Variants in PTPRR observed in about 807,000 individuals in gnomAD.
The protein encoded by PTPRR is receptor-type tyrosine-protein phosphatase R.
Under a neutral mutation model 77.2 loss-of-function variants are expected in PTPRR, and 38 were observed. That is an observed-to-expected ratio of 0.49 (90% CI 0.38 to 0.65). PTPRR has a LOEUF of 0.65. Ranked by LOEUF, PTPRR falls within the 30% of genes least tolerant of loss-of-function variation. The probability of loss-of-function intolerance (pLI) is 0.00; values close to 1 mark genes in which losing one functional copy is unlikely to be tolerated. For missense variants in PTPRR, 744 were observed against 799.2 expected (o/e 0.93, Z 0.83); for synonymous variants, 299 against 283.1 (o/e 1.06, Z -0.57).
intron 5 of PTPRR, among the ~76,000 whole-genome samples, chr12:70,750,192 C>T (rs1170219506): frequency 6.6e-6 from 1 of 152,074 alleles, no homozygotes; most frequent in Non-Finnish European, 1.5e-5. Context: ...CAATATGCCA[C>T]TTTTCAAAAA....
At chr12:70,836,390 C>A (rs1039679241) in intron 2 of PTPRR, among the ~76,000 whole-genome samples, 39 of 151,284 alleles carry the variant, frequency 2.6e-4, no homozygotes, top group Non-Finnish European at 1.3e-4. Flanking sequence ...AATCTGAATG[C>A]ATACATTACA....
At chr12:70,882,139 T>C (rs566621347) in intron 2 of PTPRR, among the ~76,000 whole-genome samples, 1 of 152,316 alleles carries the variant, frequency 6.6e-6, no homozygotes, top group Non-Finnish European at 1.5e-5. Context: ...AACATCTTTC[T>C]TTCCAAACTC....
At position 70,711,601 on chromosome 12, in the gene PTPRR, C is replaced by T. The variant is rs1340438763; in HGVS notation, c.1008-10278G>A. 2.6e-5 allele frequency among the ~76,000 whole-genome samples: 4 copies of T among 152,096 alleles called. No homozygotes were observed. In the South Asian group the frequency reaches 6.2e-4, roughly 24 times the overall value. On this transcript the variant is annotated intron_variant, in intron 6 of 13. Coordinates refer to ENST00000283228, the MANE Select transcript of PTPRR (RefSeq NM_002849.4). Reference sequence around the variant, plus strand: ...TACGTAACAAACCTGCACATGTACCCCTGAACTTAACATAGAAGTCAAAAA... The same window carrying T: ...TACGTAACAAACCTGCACATGTACCTCTGAACTTAACATAGAAGTCAAAAA...
At chr12:70,765,930 C>G (rs1053427825) in intron 2 of PTPRR, among the ~76,000 whole-genome samples, 1 of 152,194 alleles carries the variant, frequency 6.6e-6, no homozygotes, top group African/African-American at 2.4e-5. Flanking sequence ...CTAGAAAACT[C>G]CAACAGACCT....
At chr12:70,864,612 C>G (rs7975254) in intron 2 of PTPRR, among the ~76,000 whole-genome samples, 31,908 of 152,132 alleles carry the variant, frequency 0.21, 4,456 homozygotes, top group Admixed American at 0.4. Flanking sequence ...CATTATGTGC[C>G]AGTCACTCTC....
At chr12:70,786,611 TC>T (rs532350144) in intron 2 of PTPRR, among the ~76,000 whole-genome samples, 44 of 152,260 alleles carry the variant, frequency 2.9e-4, no homozygotes, top group African/African-American at 1.1e-3. Context: ...CTCTGAAACA[TC>T]AGTCTGATCA....
intron 2 of PTPRR, among the ~76,000 whole-genome samples, chr12:70,878,652 G>A (rs1482568121): frequency 1.3e-5 from 2 of 152,180 alleles, no homozygotes; most frequent in African/African-American, 4.8e-5. Flanking sequence ...CACTGTTGGT[G>A]GGACTGTAAA....
rs575721281 is a variant in PTPRR, at chr12:70,684,607, A to G, written c.1359+97T>C. 9 of 868,114 alleles carry G rather than the reference A, an allele frequency of 1.0e-5. No individual in the cohort carries two copies. In the South Asian group the frequency reaches 1.4e-4, roughly 14 times the overall value. 53.8% of individuals were successfully genotyped at this position (868,114 alleles called of 1,614,324 possible). On this transcript the variant is annotated intron_variant, in intron 9 of 13. Transcript: ENST00000283228. Reference sequence around the variant, plus strand: ...CAAAATGAAATCTTGCTGGTAATCAAGTTAAACCAAGCTTAATCTACTCTA... The same window carrying G: ...CAAAATGAAATCTTGCTGGTAATCAGGTTAAACCAAGCTTAATCTACTCTA...
intron 6 of PTPRR, among the ~76,000 whole-genome samples, chr12:70,712,604 CA>C (rs1235508566): frequency 6.6e-6 from 1 of 151,056 alleles, no homozygotes; most frequent in Non-Finnish European, 1.5e-5. Flanking sequence ...GTCCAAGGAG[CA>C]GATAGACTGG....
chr12:70,769,368 A>C (rs919897213), intron 2 of PTPRR, among the ~76,000 whole-genome samples: 5 of 151,982 alleles, frequency 3.3e-5, no homozygotes, highest in Admixed American at 6.6e-5. Flanking sequence ...CACCAATAAC[A>C]GACAAACAGA....
At chr12:70,679,625 A>T (rs1375709981) in intron 10 of PTPRR, among the ~76,000 whole-genome samples, 1 of 152,124 alleles carries the variant, frequency 6.6e-6, no homozygotes, top group Non-Finnish European at 1.5e-5. Flanking sequence ...TAACCCATGT[A>T]TCATTATATA....
chr12:70,839,293 A>AT (rs1159139726), intron 2 of PTPRR, among the ~76,000 whole-genome samples: 1 of 149,944 alleles, frequency 6.7e-6, no homozygotes, highest in Non-Finnish European at 1.5e-5. Flanking sequence ...CATCTCAGTC[A>AT]TTTTTTTCCT....
At chr12:70,652,475 C>G (rs900027241) in intron 13 of PTPRR, among the ~76,000 whole-genome samples, 2 of 152,092 alleles carry the variant, frequency 1.3e-5, no homozygotes, top group Admixed American at 6.5e-5. Flanking sequence ...AAGGAAGGTT[C>G]AAGGAGAGGA....
At chr12:70,886,198 A>G (rs1893236610) in intron 2 of PTPRR, among the ~76,000 whole-genome samples, 1 of 152,338 alleles carries the variant, frequency 6.6e-6, no homozygotes, top group Admixed American at 6.5e-5. Context: ...GACAGTTATG[A>G]CTGTCAGGAT....
intron 5 of PTPRR, among the ~76,000 whole-genome samples, chr12:70,747,087 T>C (rs1012768724): frequency 2.0e-5 from 3 of 152,164 alleles, no homozygotes; most frequent in Non-Finnish European, 4.4e-5. Flanking sequence ...TTCAAGCAAG[T>C]GTAATGTGTT....
rs563797662 is a variant in PTPRR at position 70,684,241 on chromosome 12, G to C, written c.1383C>G (p.Ala461=). ...TCATGGGGCCCTGCGTGGCAATGAA[G>C]GCTTTCTCCTTGCCACTGTAGCCCT... ...YIRGYSGKEK[A]FIATQGPMIN... Residue 461 remains alanine, a synonymous_variant, in exon 10 of 14, where the codon GCC becomes GCG. Transcript: ENST00000283228. 1.6e-4 allele frequency: 265 copies of C among 1,612,922 alleles called. 4 individuals carry two copies. The South Asian group carries it at 2.4e-3, about 15-fold the overall frequency.
At chr12:70,684,071 T>C in intron 10 of PTPRR, 56 bp downstream of exon 10, 4 of 1,555,868 alleles carry the variant, frequency 2.6e-6, no homozygotes, top group Non-Finnish European at 3.5e-6. Flanking sequence ...TAACACAGTA[T>C]CTCTTCTATA....
At chr12:70,829,476 A>G (rs1403122958) in intron 2 of PTPRR, among the ~76,000 whole-genome samples, 1 of 152,138 alleles carries the variant, frequency 6.6e-6, no homozygotes, top group Non-Finnish European at 1.5e-5. Flanking sequence ...GGGAATAAAT[A>G]CATTTATTTA....
At chr12:70,808,193 G>A (rs1891745586) in intron 2 of PTPRR, among the ~76,000 whole-genome samples, 3 of 152,080 alleles carry the variant, frequency 2.0e-5, no homozygotes, top group Admixed American at 2.0e-4. Context: ...CTAGGATTAG[G>A]AAATTCCAGC....
Sources: gnomAD v4.1 joint callset for allele counts (sites outside exome capture counted in the v4.1 genomes callset) on GRCh38, gnomAD v4.1.1 for gene constraint, MANE v1.5 for transcripts, NCBI Gene and HGNC (gene_info 2026-07-23, HGNC 2026-07-21) for gene names.